The following PIWIL1 variants were observed in gnomAD, a reference collection of about 807,000 sequenced individuals.
PIWIL1 encodes piwi like RNA-mediated gene silencing 1.
A neutral mutation model predicts 114.4 loss-of-function variants in PIWIL1; 73 were observed. The ratio of observed to expected loss-of-function variants is 0.64; its 90% CI spans 0.53 to 0.78. The LOEUF is 0.78. Ranked by LOEUF, PIWIL1 falls within the 30% of genes least tolerant of loss-of-function variation. The pLI is 0.00. For synonymous variants in PIWIL1, 375 were observed against 369.0 expected (o/e 1.02, Z -0.19); for missense variants, 723 against 1,063.1 (o/e 0.68, Z 4.45).
the PIWIL1 span, among the ~76,000 whole-genome samples, chr12:130,417,130 A>G: frequency 3.3e-5 from 5 of 152,224 alleles, no homozygotes; most frequent in East Asian, 1.9e-4. Context: ...TTAAAAATGT[A>G]TATACCATTG....
the PIWIL1 span, chr12:130,412,778 C>G: frequency 6.2e-7 from 1 of 1,612,224 alleles, no homozygotes; most frequent in East Asian, 2.2e-5. Flanking sequence ...GCGTCTTTAT[C>G]ACCATAAACC....
At chr12:130,378,235 A>G in the PIWIL1 span, among the ~76,000 whole-genome samples, 4 of 152,252 alleles carry the variant, frequency 2.6e-5, no homozygotes, top group Middle Eastern at 3.4e-3. Flanking sequence ...AGAACCGGGT[A>G]GCATGCACTC....
chr12:130,338,033 GA>G lies in PIWIL1; in HGVS notation c.-124del. The G allele has an allele frequency of 5.5e-6, 1 of 181,408 alleles. No individual in the cohort carries two copies. The allele number at this position is 181,408 out of a possible 1,614,324, so 11.2% of individuals were successfully genotyped here. A position where few individuals can be genotyped will look rare whatever the true frequency, so the allele number is the denominator to read the frequency against. On this transcript the variant is annotated 5_prime_UTR_variant, in exon 1 of 21. The change creates a premature stop within an existing upstream ORF in the 5' untranslated region. Transcript: ENST00000245255. Reference sequence around the variant, plus strand: ...GCCGAAGGCGAGGTGGGCGCGGGCCGAAGGAGGTCCTGGGAGGTCGGCGGCG... The same window carrying G: ...GCCGAAGGCGAGGTGGGCGCGGGCCGAGGAGGTCCTGGGAGGTCGGCGGCG...
At chr12:130,375,440 A>G (rs535125733), downstream of PIWIL1, among the ~76,000 whole-genome samples, 2 of 152,078 alleles carry the variant, frequency 1.3e-5, no homozygotes, top group African/African-American at 4.8e-5. Context: ...ATTCTCAACT[A>G]CTGTCTATTT....
intron 9 of PIWIL1, among the ~76,000 whole-genome samples, chr12:130,352,077 T>A: frequency 6.6e-6 from 1 of 152,194 alleles, no homozygotes; most frequent in Non-Finnish European, 1.5e-5. Context: ...CAGCTCAGCT[T>A]CTTTCTCTAG....
Position 130,354,529 on chromosome 12 carries a change from T to A in PIWIL1, c.1045-8T>A, listed in dbSNP as rs762482687. 1 of 1,614,146 alleles carries A rather than the reference T, an allele frequency of 6.2e-7. No homozygotes were observed. Among genetic ancestry groups the A allele is most frequent in the South Asian group, 1.1e-5 (1 of 91,072 alleles). ...CCGTGAACAGCGACCCTTTCGTCTCTTGAGCAGCAATACAACCAAGAGATC... is the reference window on the plus strand; with the variant it reads ...CCGTGAACAGCGACCCTTTCGTCTCATGAGCAGCAATACAACCAAGAGATC... On this transcript the variant is annotated splice_polypyrimidine_tract_variant and splice_region_variant and intron_variant, in intron 9 of 20. Transcript: ENST00000245255.
At chr12:130,424,524 C>T in the PIWIL1 span, 4 of 1,231,896 alleles carry the variant, frequency 3.2e-6, no homozygotes, top group East Asian at 6.3e-5. This position sits in a 1 kb window ranked among gnomAD's most constrained non-coding sequence, Gnocchi z 9.8. Context: ...GCTGTCCGGG[C>T]TCCGGGTGGC....
At chr12:130,404,924 CGT>C in the PIWIL1 span, among the ~76,000 whole-genome samples, 1 of 151,858 alleles carries the variant, frequency 6.6e-6, no homozygotes, top group Non-Finnish European at 1.5e-5. Flanking sequence ...AATTTTAAAA[CGT>C]ATTCATTTTT....
intron 9 of PIWIL1, 89 bp downstream of exon 9, chr12:130,350,056 C>T (rs867660479): frequency 7.0e-6 from 5 of 717,094 alleles, no homozygotes; most frequent in Middle Eastern, 2.5e-4. Context: ...GAACAAGTTG[C>T]GTTTAAAGCT....
chr12:130,350,014 G>C, intron 9 of PIWIL1, 47 bp downstream of exon 9: 1 of 1,064,662 alleles, frequency 9.4e-7, no homozygotes, highest in Non-Finnish European at 1.4e-6. Context: ...AAATATCTTT[G>C]GTAGAATTCT....
intron 3 of PIWIL1, among the ~76,000 whole-genome samples, chr12:130,343,832 T>C (rs1198734093): frequency 1.3e-5 from 2 of 152,166 alleles, no homozygotes; most frequent in African/African-American, 4.8e-5. Context: ...TTTCACCGTG[T>C]TAGCCAGGAC....
intron 19 of PIWIL1, 99 bp downstream of exon 19, chr12:130,367,357 G>T (rs943525877): frequency 4.8e-5 from 55 of 1,135,796 alleles, no homozygotes; most frequent in Non-Finnish European, 6.3e-5. Flanking sequence ...TTTTACTTTT[G>T]TTCTTATATT....
chr12:130,361,068 T>C (rs942119657), intron 14 of PIWIL1, 112 bp from the exon 15 acceptor site: 69 of 828,522 alleles, frequency 8.3e-5, no homozygotes, highest in Non-Finnish European at 4.6e-5. Flanking sequence ...GTAAAATAAA[T>C]GATCATGTTC....
At chr12:130,348,583 T>G (rs1412302371) in intron 7 of PIWIL1, among the ~76,000 whole-genome samples, 1 of 152,154 alleles carries the variant, frequency 6.6e-6, no homozygotes, top group Non-Finnish European at 1.5e-5. Context: ...AACCTGCACG[T>G]GTGCCCCTTG....
chr12:130,362,097 C>T (rs900967192), intron 16 of PIWIL1, among the ~76,000 whole-genome samples: 5 of 152,132 alleles, frequency 3.3e-5, no homozygotes, highest in Admixed American at 2.0e-4. Flanking sequence ...CTTTTAGTTT[C>T]AGGAGTGCAT....
chr12:130,399,091 C>A, the PIWIL1 span: 2 of 1,312,534 alleles, frequency 1.5e-6, no homozygotes, highest in Non-Finnish European at 2.0e-6. Context: ...GTATCTTTAT[C>A]GGTATCTTCA....
Position 130,355,509 on chromosome 12 carries a change from TG to T in PIWIL1, c.1290-43del, listed in dbSNP as rs751436521. 3 of 1,350,380 alleles carry T rather than the reference TG, an allele frequency of 2.2e-6. No homozygotes were observed. In the East Asian group the frequency reaches 6.9e-5, roughly 31 times the overall value. 83.6% of individuals were successfully genotyped at this position (1,350,380 alleles called of 1,614,324 possible). On this transcript the variant is annotated intron_variant, in intron 11 of 20. Transcript: ENST00000245255. ...TATCTGTTTGACTGTGTCTTCTTGC[TG>T]TGTCTCTTTGTTGAGTCGCATGTAA...
At chr12:130,349,197 G>C (rs759791700) in intron 7 of PIWIL1, 42 bp from the exon 8 acceptor site, 11 of 1,477,058 alleles carry the variant, frequency 7.4e-6, no homozygotes, top group Non-Finnish European at 1.0e-5. Context: ...AGAATGTGTT[G>C]AATGTGGAGA....
At chr12:130,338,716 G>A (rs2072793876) in intron 1 of PIWIL1, among the ~76,000 whole-genome samples, 1 of 126,944 alleles carries the variant, frequency 7.9e-6, no homozygotes, top group Admixed American at 7.9e-5. Flanking sequence ...AGCCGGGTGC[G>A]GGGGCGAGGT....
Sources: gnomAD v4.1 joint callset for allele counts (sites outside exome capture counted in the v4.1 genomes callset) on GRCh38, gnomAD v4.1.1 for gene constraint, Gnocchi (gnomAD v3.1) non-coding constraint, MANE v1.5 for transcripts, NCBI Gene and HGNC (gene_info 2026-07-23, HGNC 2026-07-21) for gene names.